Variants in ZMAT4 observed in about 807,000 individuals in gnomAD.
ZMAT4 encodes the protein zinc finger matrin-type 4, also known as zinc finger matrin-type protein 4.
Under a neutral mutation model 28.7 loss-of-function variants are expected in ZMAT4, and 17 were observed. The observed-to-expected ratio is 0.59, with a 90% CI of 0.41 to 0.89. The LOEUF is 0.89. Among genes scored for constraint, ZMAT4 ranks in the 40% least tolerant of loss-of-function variants. ZMAT4 has a pLI of 0.00. For missense variants in ZMAT4, 240 were observed against 283.8 expected (o/e 0.85, Z 1.11); for synonymous variants, 117 against 109.2 (o/e 1.07, Z -0.44).
At chr8:40,788,734 A>G (rs898947290) in intron 2 of ZMAT4, among the ~76,000 whole-genome samples, 9 of 151,660 alleles carry the variant, frequency 5.9e-5, no homozygotes, top group African/African-American at 2.2e-4. Context: ...TGATGCCAGT[A>G]TTATTCTGAT....
At chr8:40,609,262 T>C (rs1164123658) in intron 5 of ZMAT4, among the ~76,000 whole-genome samples, 1 of 152,194 alleles carries the variant, frequency 6.6e-6, no homozygotes. Flanking sequence ...CTCTATAAAG[T>C]ATGGGAAAAA....
intron 3 of ZMAT4, among the ~76,000 whole-genome samples, chr8:40,758,750 AT>A (rs1812799508): frequency 6.6e-6 from 1 of 152,230 alleles, no homozygotes. Flanking sequence ...TCAGAGTTGG[AT>A]GGTGACAGTG....
At chr8:40,818,466 C>T (rs1250411704) in intron 2 of ZMAT4, among the ~76,000 whole-genome samples, 4 of 152,132 alleles carry the variant, frequency 2.6e-5, no homozygotes, top group Admixed American at 6.6e-5. Flanking sequence ...TAGGATATTA[C>T]GAAGATATTA....
chr8:40,632,947 C>T (rs1272207997), intron 5 of ZMAT4, among the ~76,000 whole-genome samples: 1 of 152,132 alleles, frequency 6.6e-6, no homozygotes, highest in African/African-American at 2.4e-5. Flanking sequence ...AAGATTACTA[C>T]TTATTGAGCT....
intron 1 of ZMAT4, among the ~76,000 whole-genome samples, chr8:40,840,914 G>A (rs1011558849): frequency 2.0e-5 from 3 of 152,114 alleles, no homozygotes; most frequent in African/African-American, 7.2e-5. Context: ...CCTACCCACT[G>A]CTAAAAATAT....
intron 4 of ZMAT4, among the ~76,000 whole-genome samples, chr8:40,691,416 AAAAG>A (rs1809657544): frequency 6.6e-6 from 1 of 152,074 alleles, no homozygotes; most frequent in African/African-American, 2.4e-5. Context: ...AAAAAAAAAA[AAAAG>A]AGAGAGAGAC....
intron 5 of ZMAT4, among the ~76,000 whole-genome samples, chr8:40,610,465 A>C (rs1443640086): frequency 6.6e-6 from 1 of 152,170 alleles, no homozygotes; most frequent in East Asian, 1.9e-4. Context: ...CAATCTAACA[A>C]AAATTTCCTA....
chr8:40,642,978 C>T (rs2589927), intron 5 of ZMAT4, among the ~76,000 whole-genome samples: 83,905 of 152,086 alleles, frequency 0.55, 24,108 homozygotes, highest in East Asian at 0.69. Context: ...GTTCCTGTGT[C>T]AGATTCTTCA....
intron 4 of ZMAT4, among the ~76,000 whole-genome samples, chr8:40,688,245 C>G (rs1809503817): frequency 6.6e-6 from 1 of 152,106 alleles, no homozygotes; most frequent in South Asian, 2.1e-4. Context: ...ATCACAAGGT[C>G]AGGAGTTCAA....
intron 6 of ZMAT4, among the ~76,000 whole-genome samples, chr8:40,552,353 T>A (rs1031258316): frequency 6.6e-6 from 1 of 152,150 alleles, no homozygotes; most frequent in Non-Finnish European, 1.5e-5. Context: ...ACACACGCAG[T>A]CATAAAGCTA....
At chr8:40,889,340 G>A (rs1417543099) in intron 1 of ZMAT4, among the ~76,000 whole-genome samples, 1 of 152,186 alleles carries the variant, frequency 6.6e-6, no homozygotes, top group East Asian at 1.9e-4. Context: ...ATGGACTCAG[G>A]ATGCAGGCAT....
At chr8:40,706,105 AAC>A (rs1810337975) in intron 3 of ZMAT4, among the ~76,000 whole-genome samples, 1 of 152,078 alleles carries the variant, frequency 6.6e-6, no homozygotes, top group South Asian at 2.1e-4. Context: ...TCACCCAGGC[AAC>A]AGTGATGCGA....
At chr8:40,790,127 A>T (rs1446881655) in intron 2 of ZMAT4, among the ~76,000 whole-genome samples, 1 of 151,988 alleles carries the variant, frequency 6.6e-6, no homozygotes, top group East Asian at 1.9e-4. Flanking sequence ...ATTGTGGCTG[A>T]CTCTCTTGCT....
intron 5 of ZMAT4, among the ~76,000 whole-genome samples, chr8:40,601,503 A>AAGAAAGAGAGAAAGAGAGAAAG (rs1422404911): frequency 7.9e-6 from 1 of 127,130 alleles, no homozygotes; most frequent in Non-Finnish European, 1.7e-5. Context: ...GAGAGAAAGA[A>AAGAAAGAGAGAAAGAGAGAAAG]AGAAAGAGAA....
At chr8:40,738,004 G>T (rs2150532099) in intron 3 of ZMAT4, among the ~76,000 whole-genome samples, 1 of 152,158 alleles carries the variant, frequency 6.6e-6, no homozygotes, top group African/African-American at 2.4e-5. Flanking sequence ...CTAAGGGAGA[G>T]CTGCGAAAAG....
intron 6 of ZMAT4, among the ~76,000 whole-genome samples, chr8:40,576,978 G>A (rs1340347190): frequency 1.3e-5 from 2 of 152,162 alleles, no homozygotes; most frequent in African/African-American, 4.8e-5. Flanking sequence ...CAGATCACCT[G>A]AGGTCAGGAG....
intron 1 of ZMAT4, among the ~76,000 whole-genome samples, chr8:40,871,852 A>G (rs2150654741): frequency 6.6e-6 from 1 of 152,280 alleles, no homozygotes; most frequent in East Asian, 1.9e-4. Context: ...TCAGGAAAGG[A>G]TTTGACAAAC....
chr8:40,808,591 G>T, intron 2 of ZMAT4: 1 of 454,876 alleles, frequency 2.2e-6, no homozygotes, highest in Non-Finnish European at 4.4e-6. Context: ...AAAAAAAAGT[G>T]CTGAGCTTCA....
chr8:40,643,147 A>G (rs1387869978), intron 5 of ZMAT4, among the ~76,000 whole-genome samples: 1 of 152,112 alleles, frequency 6.6e-6, no homozygotes, highest in Non-Finnish European at 1.5e-5. Flanking sequence ...AGTGTGTTTA[A>G]CCAAGCACAT....
Sources: allele counts gnomAD v4.1 joint callset (sites outside exome capture counted in the v4.1 genomes callset), GRCh38; gene constraint gnomAD v4.1.1; transcripts MANE v1.5; gene names NCBI Gene and HGNC (gene_info 2026-07-23, HGNC 2026-07-21).